Variants in STK3 observed in about 807,000 individuals in gnomAD.
STK3 encodes the protein serine/threonine-protein kinase 3.
A neutral mutation model predicts 58.0 loss-of-function variants in STK3; 41 were observed. The observed-to-expected ratio is 0.71, with a 90% CI of 0.55 to 0.92. The LOEUF is 0.92. STK3 is among the 40% of genes least tolerant of loss of function. The probability of loss-of-function intolerance (pLI) is 0.00; values close to 1 mark genes in which losing one functional copy is unlikely to be tolerated. For synonymous variants in STK3, 170 were observed against 191.0 expected, an observed-to-expected ratio of 0.89 and a Z score of 0.91; for missense variants, 479 against 602.7, an observed-to-expected ratio of 0.79 and a Z score of 2.15.
At chr8:98,658,650 CA>C (rs557977906) in intron 6 of STK3, among the ~76,000 whole-genome samples, 1 of 152,050 alleles carries the variant, frequency 6.6e-6, no homozygotes, top group South Asian at 2.1e-4. Flanking sequence ...TCCTTTCAAT[CA>C]CCCCCTATTG....
At chr8:98,614,382 A>C (rs1256894892) in intron 6 of STK3, among the ~76,000 whole-genome samples, 1 of 144,380 alleles carries the variant, frequency 6.9e-6, no homozygotes. Context: ...TAGGAAAATC[A>C]AGCACTTGAA....
chr8:98,898,359 T>C (rs1296372412), intron 1 of STK3, among the ~76,000 whole-genome samples: 1 of 152,202 alleles, frequency 6.6e-6, no homozygotes, highest in African/African-American at 2.4e-5. Context: ...CCTGCATACC[T>C]GGCTTCCCAT....
At chr8:98,583,798 A>G (rs1268056412) in intron 7 of STK3, among the ~76,000 whole-genome samples, 1 of 152,044 alleles carries the variant, frequency 6.6e-6, no homozygotes, top group Non-Finnish European at 1.5e-5. Context: ...GAAGTAGATG[A>G]GAAAATAAGC....
chr8:98,730,921 T>C (rs538483756), intron 4 of STK3, among the ~76,000 whole-genome samples: 1 of 152,196 alleles, frequency 6.6e-6, no homozygotes, highest in African/African-American at 2.4e-5. Context: ...ATGCTTCTAT[T>C]AATAGTTTTC....
chr8:98,826,259 A>G (rs1835299674), upstream of STK3, among the ~76,000 whole-genome samples: 1 of 152,156 alleles, frequency 6.6e-6, no homozygotes, highest in Non-Finnish European at 1.5e-5. Flanking sequence ...CTCACTGCCC[A>G]CGCTTCCCTC....
Position 98,658,454 on chromosome 8 carries a change from T to C in STK3, c.684+48013A>G, listed in dbSNP as rs551620019. On this transcript the variant is annotated intron_variant, in intron 6 of 10. Transcript: ENST00000419617. ...CTAAAGCAAACATATCTGTTCCTAG[T>C]TCTGAGAGATCAAAAGGCAACCAAC... Among the ~76,000 whole-genome samples the C allele has an allele frequency of 1.6e-4, 24 of 152,142 alleles. 1 individual carries two copies. The South Asian group carries it at 2.9e-3, about 18-fold the overall frequency.
chr8:98,486,237 C>T (rs1209402966), intron 10 of STK3, among the ~76,000 whole-genome samples: 2 of 152,134 alleles, frequency 1.3e-5, no homozygotes, highest in South Asian at 2.1e-4. Context: ...GAGAAAAATA[C>T]AGAAAGTTGT....
At chr8:98,591,106 G>T (rs1815272274) in intron 7 of STK3, among the ~76,000 whole-genome samples, 1 of 152,164 alleles carries the variant, frequency 6.6e-6, no homozygotes, top group African/African-American at 2.4e-5. Context: ...TATGCATTCA[G>T]TAGGAACCAT....
At chr8:98,563,774 A>AAAAT (rs973497662) in intron 8 of STK3, among the ~76,000 whole-genome samples, 2 of 152,286 alleles carry the variant, frequency 1.3e-5, no homozygotes, top group South Asian at 2.1e-4. Context: ...CAATTTAAGC[A>AAAAT]AAATAAATAA....
chr8:98,387,429 A>G (rs1817801304), intron 1 of STK3, among the ~76,000 whole-genome samples: 1 of 152,240 alleles, frequency 6.6e-6, no homozygotes, highest in African/African-American at 2.4e-5. Flanking sequence ...TCTTTAAAAT[A>G]AAAAGTATTT....
At chr8:98,698,190 G>C (rs959022673) in intron 6 of STK3, among the ~76,000 whole-genome samples, 1 of 151,392 alleles carries the variant, frequency 6.6e-6, no homozygotes, top group African/African-American at 2.4e-5. Context: ...TGCAACCCCT[G>C]CCTTTTTTTG....
Position 98,877,444 on chromosome 8 carries a change from T to C in STK3, c.110+6203A>G, listed in dbSNP as rs956087870. Among the ~76,000 whole-genome samples, 14 of 152,322 alleles carry C rather than the reference T, an allele frequency of 9.2e-5. No homozygotes were observed. In the East Asian group the frequency reaches 9.6e-4, roughly 10 times the overall value. ...TTAAAAAAAATTAGCAGTAATACTATGTTAATAAATTCAGTCATTCCATGT... is the reference window on the plus strand; with the variant it reads ...TTAAAAAAAATTAGCAGTAATACTACGTTAATAAATTCAGTCATTCCATGT... On this transcript the variant is annotated intron_variant, in intron 3 of 12. Transcript: ENST00000523601.
At chr8:98,759,137 A>T (rs1830467778) in intron 3 of STK3, among the ~76,000 whole-genome samples, 1 of 152,226 alleles carries the variant, frequency 6.6e-6, no homozygotes, top group Admixed American at 6.5e-5. Context: ...AAGCTTGGCT[A>T]GCTGTTTGGC....
intron 6 of STK3, among the ~76,000 whole-genome samples, chr8:98,636,528 C>T (rs776773402): frequency 6.6e-6 from 1 of 152,048 alleles, no homozygotes; most frequent in Non-Finnish European, 1.5e-5. Flanking sequence ...AAAAACCAAA[C>T]ATTAAATTAA....
At chr8:98,753,339 G>A (rs1830095375) in intron 3 of STK3, among the ~76,000 whole-genome samples, 1 of 152,176 alleles carries the variant, frequency 6.6e-6, no homozygotes, top group South Asian at 2.1e-4. Flanking sequence ...GATGGAGCTG[G>A]AGGCTATTGT....
intron 1 of STK3, among the ~76,000 whole-genome samples, chr8:98,890,614 C>T (rs1004217969): frequency 3.3e-5 from 5 of 152,162 alleles, no homozygotes; most frequent in African/African-American, 1.2e-4. Flanking sequence ...CCAGGGGTCA[C>T]ATAAATAGAA....
intron 1 of STK3, among the ~76,000 whole-genome samples, chr8:98,790,792 G>A (rs991710358): frequency 1.3e-5 from 2 of 152,162 alleles, no homozygotes; most frequent in African/African-American, 4.8e-5. Flanking sequence ...AGATCAGCCT[G>A]GCCAACATAG....
chr8:98,560,736 A>C (rs1202723557), intron 8 of STK3, among the ~76,000 whole-genome samples: 1 of 152,132 alleles, frequency 6.6e-6, no homozygotes, highest in Non-Finnish European at 1.5e-5. Context: ...ATACTGAATC[A>C]GAAAAACAAA....
At chr8:98,588,676 A>G (rs201157948) in intron 7 of STK3, among the ~76,000 whole-genome samples, 16,329 of 150,228 alleles carry the variant, frequency 0.11, 1,722 homozygotes, top group East Asian at 0.43. Context: ...TCTCCTGGAT[A>G]ATATCCTGCA....
Sources: gnomAD v4.1 joint callset for allele counts (sites outside exome capture counted in the v4.1 genomes callset) on GRCh38, gnomAD v4.1.1 for gene constraint, MANE v1.5 for transcripts, NCBI Gene and HGNC (gene_info 2026-07-23, HGNC 2026-07-21) for gene names.